CHN2: variants seen among roughly 807,000 people sequenced by gnomAD.
CHN2 encodes beta-chimaerin.
A neutral mutation model predicts 56.3 loss-of-function variants in CHN2; 35 were observed. The ratio of observed to expected loss-of-function variants is 0.62; its 90% CI spans 0.47 to 0.82. The LOEUF (loss-of-function observed/expected upper bound fraction) is 0.82. Ranked by LOEUF, CHN2 falls within the 40% of genes least tolerant of loss-of-function variation. The pLI is 0.00. For missense variants in CHN2, 491 were observed against 580.5 expected, an observed-to-expected ratio of 0.85 and a Z score of 1.58; for synonymous variants, 210 against 212.8, an observed-to-expected ratio of 0.99 and a Z score of 0.12.
At chr7:29,462,872 G>A (rs1308463421) in intron 6 of CHN2, among the ~76,000 whole-genome samples, 5 of 150,768 alleles carry the variant, frequency 3.3e-5, no homozygotes, top group Non-Finnish European at 7.4e-5. Flanking sequence ...CCAATAACTC[G>A]TCATTTAGCA....
chr7:29,496,516 TA>T lies in CHN2; in HGVS notation c.739+493del, dbSNP rs886069600. Among the ~76,000 whole-genome samples the T allele has an allele frequency of 5.8e-3, 820 of 141,670 alleles. 1 individual carries two copies. The highest frequency in any genetic ancestry group is 5.9e-3 in the Admixed American group (84 of 14,150). The allele number at this position is 141,670 out of a possible 152,430, so 92.9% of individuals were successfully genotyped here. ...TGGGGGAGATGCAATTATCCTCCAT[TA>T]AAAAAAAAAAAAGACACAGAGGCTT... On this transcript the variant is annotated intron_variant, in intron 8 of 12. Transcript: ENST00000222792.
intron 3 of CHN2, among the ~76,000 whole-genome samples, chr7:29,384,021 G>A (rs1207196303): frequency 6.6e-6 from 1 of 152,158 alleles, no homozygotes; most frequent in Non-Finnish European, 1.5e-5. Context: ...TTGCAAGTGG[G>A]GTTGGGAAGA....
intron 2 of CHN2, among the ~76,000 whole-genome samples, chr7:29,163,196 T>C (rs1466920017): frequency 1.3e-5 from 2 of 152,176 alleles, no homozygotes; most frequent in South Asian, 2.1e-4. Flanking sequence ...GTTTGATATA[T>C]GAATCTGTTT....
chr7:29,205,852 A>G (rs1456120364), intron 1 of CHN2, among the ~76,000 whole-genome samples: 1 of 152,152 alleles, frequency 6.6e-6, no homozygotes, highest in Non-Finnish European at 1.5e-5. Flanking sequence ...CGTAAGATGC[A>G]ATATATACAA....
At chr7:29,274,688 G>T (rs1791036205) in intron 1 of CHN2, among the ~76,000 whole-genome samples, 1 of 152,094 alleles carries the variant, frequency 6.6e-6, no homozygotes, top group African/African-American at 2.4e-5. Flanking sequence ...CCAAAGTGCA[G>T]ATCAAAGAGA....
intron 6 of CHN2, among the ~76,000 whole-genome samples, chr7:29,408,777 C>T (rs1281217519): frequency 6.6e-6 from 1 of 152,114 alleles, no homozygotes; most frequent in South Asian, 2.1e-4. Context: ...TCCTCAATAT[C>T]GGTGTTTTCA....
At chr7:29,377,085 T>A (rs1800131847) in intron 3 of CHN2, among the ~76,000 whole-genome samples, 1 of 152,206 alleles carries the variant, frequency 6.6e-6, no homozygotes, top group South Asian at 2.1e-4. Flanking sequence ...TGGAGTGTAG[T>A]AGCATGATCT....
chr7:29,337,223 C>T (rs1247751907), intron 1 of CHN2, among the ~76,000 whole-genome samples: 1 of 152,166 alleles, frequency 6.6e-6, no homozygotes, highest in South Asian at 2.1e-4. Context: ...ACAATTCCTC[C>T]TTATGACCGT....
At chr7:29,266,259 C>G (rs1790135619) in intron 1 of CHN2, among the ~76,000 whole-genome samples, 5 of 152,218 alleles carry the variant, frequency 3.3e-5, no homozygotes, top group Admixed American at 3.3e-4. Flanking sequence ...ATAAATACTT[C>G]TTTCTTCTGT....
intron 1 of CHN2, among the ~76,000 whole-genome samples, chr7:29,277,248 T>G (rs909871879): frequency 6.6e-6 from 1 of 152,160 alleles, no homozygotes; most frequent in African/African-American, 2.4e-5. Flanking sequence ...AATTGAATGG[T>G]CAAGGCATGG....
At chr7:29,147,735 C>T (rs959787526) in intron 2 of CHN2, among the ~76,000 whole-genome samples, 1 of 152,154 alleles carries the variant, frequency 6.6e-6, no homozygotes, top group Non-Finnish European at 1.5e-5. Context: ...AATCAGCCCA[C>T]CTTTAATATA....
chr7:29,437,879 G>A (rs2128121227), intron 6 of CHN2, among the ~76,000 whole-genome samples: 1 of 152,244 alleles, frequency 6.6e-6, no homozygotes, highest in African/African-American at 2.4e-5. Context: ...CAGAGCAAGA[G>A]GCTAGAGCTT....
intron 6 of CHN2, among the ~76,000 whole-genome samples, chr7:29,466,559 T>A (rs928232325): frequency 6.6e-6 from 1 of 152,246 alleles, no homozygotes; most frequent in Non-Finnish European, 1.5e-5. Context: ...TTTTCATTTC[T>A]ATCAATAGAG....
At chr7:29,280,978 C>G (rs1481120002) in intron 1 of CHN2, among the ~76,000 whole-genome samples, 1 of 152,172 alleles carries the variant, frequency 6.6e-6, no homozygotes, top group Non-Finnish European at 1.5e-5. Flanking sequence ...TGCCTGTAAT[C>G]TCAGCTACTC....
At chr7:29,212,797 T>C in intron 1 of CHN2, 1 of 1,608,858 alleles carries the variant, frequency 6.2e-7, no homozygotes, top group Non-Finnish European at 8.5e-7. Context: ...ATGGTGTGAC[T>C]CGGAAGGCCT....
At chr7:29,423,095 A>G (rs916633107) in intron 6 of CHN2, among the ~76,000 whole-genome samples, 1 of 152,248 alleles carries the variant, frequency 6.6e-6, no homozygotes, top group African/African-American at 2.4e-5. Context: ...AAAGATTTCA[A>G]CTGAATTAGG....
chr7:29,169,013 A>G (rs1796270594), intron 2 of CHN2, among the ~76,000 whole-genome samples: 1 of 152,234 alleles, frequency 6.6e-6, no homozygotes, highest in South Asian at 2.1e-4. Flanking sequence ...TTATTAGAAT[A>G]TCATGAGGAA....
rs550360428 is a variant in CHN2, at chr7:29,476,882, C to T, written c.577-3397C>T. ...TTCCAGTGAGAATCCCTGGTTCAAA[C>T]AGAGCATGTAGGGAAATGTGCTTCA... On this transcript the variant is annotated intron_variant, in intron 6 of 12. Coordinates refer to ENST00000222792, the MANE Select transcript of CHN2 (RefSeq NM_004067.4). Among the ~76,000 whole-genome samples the T allele has an allele frequency of 7.9e-4, 121 of 152,244 alleles. 2 individuals carry two copies. The highest frequency in any genetic ancestry group is 3.4e-3 in the Middle Eastern group (1 of 294).
chr7:29,178,492 C>T (rs139925283), intron 2 of CHN2, among the ~76,000 whole-genome samples: 1 of 152,154 alleles, frequency 6.6e-6, no homozygotes, highest in Non-Finnish European at 1.5e-5. Context: ...GTTCCCTCCT[C>T]CAGACCTGCA....
Sources: gnomAD v4.1 joint callset for allele counts (sites outside exome capture counted in the v4.1 genomes callset) on GRCh38, gnomAD v4.1.1 for gene constraint, MANE v1.5 for transcripts, NCBI Gene and HGNC (gene_info 2026-07-23, HGNC 2026-07-21) for gene names.